ZAN: variants seen among roughly 807,000 people sequenced by gnomAD.
ZAN encodes zonadhesin, also known as zonadhesin (gene/pseudogene).
Under a neutral mutation model 286.2 loss-of-function variants are expected in ZAN, and 260 were observed. The ratio of observed to expected loss-of-function variants is 0.91; its 90% confidence interval spans 0.82 to 1.01. The LOEUF is 1.01. Ranked by LOEUF, ZAN falls within the 50% of genes least tolerant of loss-of-function variation. The pLI is 0.00. For synonymous variants in ZAN, 1,368 were observed against 1,417.5 expected, an observed-to-expected ratio of 0.97 and a Z score of 0.79; for missense variants, 3,410 against 3,639.2, an observed-to-expected ratio of 0.94 and a Z score of 1.62.
At position 100,751,348 on chromosome 7, in the gene ZAN, G is replaced by T. The variant is rs187916993; in HGVS notation, c.1606+82G>T. ...TCTCTCTATGAACTGCTTAAAATGT[G>T]AGTCCTCCCTGGAGCCCGAATTCTC... is the stretch of plus-strand genomic sequence containing the variant. On this transcript the variant is annotated intron_variant, in intron 13 of 47. Coordinates refer to ENST00000613979, the MANE Select transcript of ZAN (RefSeq NM_003386.3). The T allele has an allele frequency of 5.9e-6, 6 of 1,021,916 alleles. No homozygotes were observed. The East Asian group carries it at 1.8e-4, about 30-fold the overall frequency. 63.3% of individuals were successfully genotyped at this position (1,021,916 alleles called of 1,614,324 possible).
At chr7:100,736,010 TTCTC>T (rs1211330200) in intron 3 of ZAN, among the ~76,000 whole-genome samples, 1 of 141,232 alleles carries the variant, frequency 7.1e-6, no homozygotes, top group African/African-American at 2.6e-5. Context: ...TCCTAAAAGA[TTCTC>T]TCTTTCAAAT....
At chr7:100,787,595 T>C (rs1373880651) in intron 37 of ZAN, among the ~76,000 whole-genome samples, 6 of 152,182 alleles carry the variant, frequency 3.9e-5, no homozygotes, top group African/African-American at 7.2e-5. Flanking sequence ...TGTCTTACTC[T>C]GTCTCCCAGG....
chr7:100,748,357 C>T lies in ZAN; in HGVS notation c.1136C>T (p.Ala379Val), dbSNP rs1808378195. 1 of 1,613,854 alleles carries T rather than the reference C, an allele frequency of 6.2e-7. No individual in the cohort carries two copies. The highest frequency in any genetic ancestry group is 1.3e-5 in the African/African-American group (1 of 74,902). ...CCTCAGTGTGACTTTGAAGACAACG[C>T]CCATCCCTTCTGTGACTGGGTCCAG... ...GFPQCDFEDN[A>V]HPFCDWVQTS... Residue 379 changes from alanine (A) to valine (V), a missense_variant, in exon 11 of 48, where the codon GCC becomes GTC. Physicochemically the swap from Ala to Val is moderately conservative, Grantham distance 64. This residue lies in a region of ZAN where 872 missense variants were observed against 938.9 expected (regional missense o/e 0.93). Transcript: ENST00000613979.
At chr7:100,750,559 G>T in intron 11 of ZAN, 66 bp from the exon 12 acceptor site, 1 of 1,552,362 alleles carries the variant, frequency 6.4e-7, no homozygotes, top group Non-Finnish European at 8.7e-7. Flanking sequence ...GCAAAGCTTT[G>T]CTAAAGCAGC....
Position 100,773,537 on chromosome 7 carries a change from AT to A in ZAN, c.5634+45del, listed in dbSNP as rs757743551. 11 of 1,601,720 alleles carry A rather than the reference AT, an allele frequency of 6.9e-6. No individual in the cohort carries two copies. The East Asian group carries it at 2.5e-4, about 36-fold the overall frequency. ...GGGGCCCCGCCCTTTCCAGGCCCAC[AT>A]GTTTGGGGTCAGGGCAAGCTCAGGA... On this transcript the variant is annotated intron_variant, in intron 30 of 47. Transcript: ENST00000613979.
rs375717396 is a variant in ZAN, at chr7:100,737,381, C to T, written c.613+32C>T. 24 of 1,339,712 alleles carry T rather than the reference C, an allele frequency of 1.8e-5. 4 individuals carry two copies. The African/African-American group carries it at 2.4e-4, about 13-fold the overall frequency. 83.0% of individuals were successfully genotyped at this position (1,339,712 alleles called of 1,614,324 possible). On this transcript the variant is annotated intron_variant, in intron 6 of 47. Transcript: ENST00000613979. The stretch of plus-strand genomic sequence containing the variant: ...CCCTGTCCCTCCTCCCGCCTGCCCT[C>T]GGACCCTTTTCTCTCCGTCCTTGCA...
rs762606363 is a variant in ZAN at position 100,792,111 on chromosome 7, G to A, written c.7675G>A (p.Ala2559Thr). ...GGCAGACCCCCAGGGCCCCTTTGCT[G>A]CCTGTCACCAGACGGTGGCCCCAGA... ...VLADPQGPFA[A>T]CHQTVAPEPF... The change falls in exon 41 of 48, where the codon GCC becomes ACC. Residue 2559 changes from alanine (A) to threonine (T), a missense_variant. Physicochemically the swap from Ala to Thr is moderately conservative, Grantham distance 58 (BLOSUM62 0). Coordinates refer to ENST00000613979, the MANE Select transcript of ZAN (RefSeq NM_003386.3). 2.5e-6 allele frequency: 4 copies of A among 1,612,336 alleles called. No homozygotes were observed. Among genetic ancestry groups the A allele is most frequent in the Non-Finnish European group, 3.4e-6 (4 of 1,179,534 alleles).
intron 17 of ZAN, 69 bp from the exon 18 acceptor site, chr7:100,759,652 C>G: frequency 6.7e-7 from 1 of 1,501,976 alleles, no homozygotes; most frequent in Non-Finnish European, 8.9e-7. Context: ...GCGCCAGGCT[C>G]AGGGCACTGC....
At chr7:100,791,192 C>T (rs1371396073) in intron 40 of ZAN, 79 bp downstream of exon 40, 10 of 1,511,458 alleles carry the variant, frequency 6.6e-6, no homozygotes, top group Non-Finnish European at 8.9e-6. Context: ...CTCCTGTCCT[C>T]AGGAGAGGAT....
Position 100,758,314 on chromosome 7 carries a change from AGAATGGCCAGTAT to A in ZAN, c.3424_3436del (p.Asn1142AspfsTer51). 1 of 1,613,288 alleles carries A rather than the reference AGAATGGCCAGTAT, an allele frequency of 6.2e-7. No individual in the cohort carries two copies. Among genetic ancestry groups the A allele is most frequent in the Non-Finnish European group, 8.5e-7 (1 of 1,179,862 alleles). ...GGGACACACACCGTGTGCCAGCTTA[AGAATGGCCAGTAT>A]GGATGCCACCCCTACGGTGAGAGCC... On this transcript the variant is annotated frameshift_variant, in exon 16 of 48. Transcript: ENST00000613979. LOFTEE classifies it high-confidence loss of function.
Position 100,797,476 on chromosome 7 carries a change from G to C in ZAN, c.8366+11G>C, listed in dbSNP as rs755597319. On this transcript the variant is annotated intron_variant, in intron 46 of 47. Coordinates refer to ENST00000613979, the MANE Select transcript of ZAN (RefSeq NM_003386.3). The stretch of plus-strand genomic sequence containing the variant: ...AACGAGGAGGAAGAGGTGAGTCCTG[G>C]GAAGGAGAGAGGAAGGGCGGGTGGG... The C allele has an allele frequency of 2.0e-5, 32 of 1,613,832 alleles. No individual in the cohort carries two copies. The African/African-American group carries it at 3.9e-4, about 20-fold the overall frequency.
intron 13 of ZAN, among the ~76,000 whole-genome samples, 176 bp from the exon 14 acceptor site, chr7:100,751,536 C>T (rs569567226): frequency 1.3e-5 from 2 of 152,232 alleles, no homozygotes; most frequent in African/African-American, 4.8e-5. Context: ...CTATTCATTT[C>T]TGGCATAATA....
chr7:100,758,742 G>C, intron 17 of ZAN, 92 bp downstream of exon 17: 1 of 1,508,260 alleles, frequency 6.6e-7, no homozygotes, highest in Non-Finnish European at 8.9e-7. Flanking sequence ...GAAGGGGCAG[G>C]GCACAGATGG....
Position 100,791,087 on chromosome 7 carries a change from C to G in ZAN, c.7503C>G (p.Thr2501=). 1 of 1,612,598 alleles carries G rather than the reference C, an allele frequency of 6.2e-7. No homozygotes were observed. ...TTGGCAACAGCTGGGAGGTGAAGAC[C>G]GAGGACGCACTCCTGCGCTTCCCCA... ...NTFGNSWEVK[T]EDALLRFPRA... The change falls in exon 40 of 48, where the codon ACC becomes ACG. Residue 2501 remains threonine, a synonymous_variant. Coordinates refer to ENST00000613979, the MANE Select transcript of ZAN (RefSeq NM_003386.3).
intron 22 of ZAN, among the ~76,000 whole-genome samples, chr7:100,764,467 C>T (rs1042837307): frequency 3.3e-5 from 5 of 151,590 alleles, no homozygotes; most frequent in Non-Finnish European, 5.9e-5. Context: ...TGCACTCCAG[C>T]CTGGGCGACA....
intron 40 of ZAN, 52 bp from the exon 41 acceptor site, chr7:100,791,914 C>A (rs1011542310): frequency 1.4e-5 from 21 of 1,545,636 alleles, no homozygotes; most frequent in Non-Finnish European, 1.8e-5. Flanking sequence ...CTTCTTCCCC[C>A]ACTTCACCTT....
At chr7:100,735,696 T>TG in intron 2 of ZAN, 24 bp from the exon 3 acceptor site, 1 of 1,484,804 alleles carries the variant, frequency 6.7e-7, no homozygotes, top group Non-Finnish European at 9.2e-7. Context: ...GTTGCATTTT[T>TG]GCTTTCTTCA....
At chr7:100,744,158 G>A (rs891889699) in intron 7 of ZAN, among the ~76,000 whole-genome samples, 18 of 149,706 alleles carry the variant, frequency 1.2e-4, no homozygotes, top group African/African-American at 3.7e-4. Context: ...GGCTGGTCTC[G>A]GACTCCTGGC....
Position 100,755,313 on chromosome 7 carries a change from G to T in ZAN, c.3212G>T (p.Arg1071Leu), listed in dbSNP as rs372185194. 3.1e-6 allele frequency: 5 copies of T among 1,613,856 alleles called. No homozygotes were observed. The highest frequency in any genetic ancestry group is 2.2e-5 in the South Asian group (2 of 91,082). Reference protein sequence around the residue: ...SPRPSCGPLCREGCVCNPGFL... With the variant: ...SPRPSCGPLCLEGCVCNPGFL... ...AGGCCTAGCTGTGGGCCCCTCTGTC[G>T]GGAGGGCTGTGTCTGCAACCCTGGC... is the stretch of plus-strand genomic sequence containing the variant. The change falls in exon 15 of 48, where the codon CGG becomes CTG. Residue 1071 changes from arginine (R) to leucine (L), a missense_variant. Arg to Leu is a moderately radical substitution (Grantham distance 102). This residue lies in a region of ZAN where 1,042 missense variants were observed against 1,058.0 expected (regional missense o/e 0.98). Coordinates refer to ENST00000613979, the MANE Select transcript of ZAN (RefSeq NM_003386.3).
Sources: gnomAD v4.1 joint callset for allele counts (sites outside exome capture counted in the v4.1 genomes callset) on GRCh38, gnomAD v4.1.1 for gene constraint, gnomAD v4.1.1 regional missense constraint, MANE v1.5 for transcripts, NCBI Gene and HGNC (gene_info 2026-07-23, HGNC 2026-07-21) for gene names.